The following MYO16 variants were observed in gnomAD, a reference collection of about 807,000 sequenced individuals.
The protein encoded by MYO16 is myosin XVI.
A neutral mutation model predicts 205.3 loss-of-function variants in MYO16; 94 were observed. The ratio of observed to expected loss-of-function variants is 0.46; its 90% CI spans 0.39 to 0.54. MYO16 has a LOEUF of 0.54. Ranked by LOEUF, MYO16 falls within the 20% of genes least tolerant of loss-of-function variation. The pLI is 0.00. For missense variants in MYO16, 2,315 were observed against 2,387.5 expected (o/e 0.97, Z 0.63); for synonymous variants, 988 against 954.0 (o/e 1.04, Z -0.66).
At chr13:108,811,292 C>A (rs1887283308) in intron 7 of MYO16, among the ~76,000 whole-genome samples, 2 of 152,024 alleles carry the variant, frequency 1.3e-5, no homozygotes, top group Admixed American at 1.3e-4. Flanking sequence ...TTTATTTCTT[C>A]TTTGCTTTGG....
chr13:108,769,989 T>G (rs1446753138), intron 4 of MYO16, among the ~76,000 whole-genome samples: 1 of 152,168 alleles, frequency 6.6e-6, no homozygotes, highest in African/African-American at 2.4e-5. Flanking sequence ...ATAGTAATGA[T>G]GTATAAAAAT....
At chr13:108,505,960 T>A in the MYO16 span, among the ~76,000 whole-genome samples, 5 of 152,148 alleles carry the variant, frequency 3.3e-5, no homozygotes, top group Middle Eastern at 3.2e-3. Context: ...TTGTTGAGGA[T>A]CATTTAACTT....
At chr13:109,158,442 T>A (rs1301704992) in intron 32 of MYO16, among the ~76,000 whole-genome samples, 1 of 152,202 alleles carries the variant, frequency 6.6e-6, no homozygotes, top group East Asian at 1.9e-4. Context: ...ACATCCCTGA[T>A]GTTAACTTAT....
At chr13:108,809,023 A>G (rs1473749061) in intron 7 of MYO16, among the ~76,000 whole-genome samples, 1 of 152,156 alleles carries the variant, frequency 6.6e-6, no homozygotes, top group Non-Finnish European at 1.5e-5. Context: ...AAACTTCCCA[A>G]ACTTTTTAAA....
chr13:109,173,954 G>GGT (rs1555338672), intron 33 of MYO16, among the ~76,000 whole-genome samples: 4 of 147,590 alleles, frequency 2.7e-5, no homozygotes, highest in Non-Finnish European at 4.5e-5. Context: ...TGATGGGGGG[G>GGT]GGTACTCTCT....
At chr13:109,088,537 ATAAT>A (rs1290534674) in intron 27 of MYO16, among the ~76,000 whole-genome samples, 3 of 151,994 alleles carry the variant, frequency 2.0e-5, no homozygotes, top group Non-Finnish European at 4.4e-5. Flanking sequence ...GAGCTGAAGC[ATAAT>A]TCAGCATTCT....
the MYO16 span, among the ~76,000 whole-genome samples, chr13:108,575,443 A>G: frequency 1.3e-5 from 2 of 151,838 alleles, no homozygotes; most frequent in Non-Finnish European, 2.9e-5. Context: ...CCTTTTTTGC[A>G]CTCTAGATGG....
chr13:108,754,332 C>CAGAGAATATCTAAGAGA (rs1465438709), intron 4 of MYO16, among the ~76,000 whole-genome samples: 1 of 152,130 alleles, frequency 6.6e-6, no homozygotes, highest in Non-Finnish European at 1.5e-5. Context: ...GCAGAACAAG[C>CAGAGAATATCTAAGAGA]AGAGAATATC....
At chr13:108,558,387 T>G in the MYO16 span, among the ~76,000 whole-genome samples, 1 of 152,222 alleles carries the variant, frequency 6.6e-6, no homozygotes. Context: ...TTTGCCATGC[T>G]TCCTTAGGTC....
chr13:109,141,108 C>T lies in MYO16; in HGVS notation c.4896C>T (p.Ser1632=). 8 of 1,541,582 alleles carry T rather than the reference C, an allele frequency of 5.2e-6. No homozygotes were observed. The highest frequency in any genetic ancestry group is 7.0e-6 in the Non-Finnish European group (8 of 1,147,520). The change falls in exon 32 of 35, where the codon AGC becomes AGT. Residue 1632 remains serine, a synonymous_variant. Coordinates refer to ENST00000457511, the MANE Select transcript of MYO16 (RefSeq NM_001198950.3). The surrounding 1 kb of genome is among the most constrained non-coding windows in gnomAD (Gnocchi z 4.1). Reference sequence around the variant, plus strand: ...TGAACGCGGGGAAAGCGGGGCCGAGCGCAGAGGCGCCCAAGGTTCACCCAA... The same window carrying T: ...TGAACGCGGGGAAAGCGGGGCCGAGTGCAGAGGCGCCCAAGGTTCACCCAA... ...APVNAGKAGP[S]AEAPKVHPKP...
intron 4 of MYO16, among the ~76,000 whole-genome samples, chr13:108,768,139 C>G (rs1303484756): frequency 6.6e-6 from 1 of 152,208 alleles, no homozygotes; most frequent in Non-Finnish European, 1.5e-5. Flanking sequence ...TTCCTTTTCA[C>G]TATGCCATGT....
intron 27 of MYO16, among the ~76,000 whole-genome samples, chr13:109,092,506 C>T (rs926766833): frequency 2.6e-5 from 4 of 152,112 alleles, no homozygotes; most frequent in African/African-American, 9.7e-5. Flanking sequence ...TGCGTGTTCT[C>T]ACTTATAAGT....
chr13:109,085,404 A>G (rs1888408013), intron 27 of MYO16, among the ~76,000 whole-genome samples: 1 of 152,170 alleles, frequency 6.6e-6, no homozygotes, highest in Non-Finnish European at 1.5e-5. Context: ...CAAGTTGATG[A>G]ACCAGTCTTG....
At chr13:108,663,360 A>G (rs1319811959) in intron 1 of MYO16, among the ~76,000 whole-genome samples, 1 of 151,848 alleles carries the variant, frequency 6.6e-6, no homozygotes, top group Non-Finnish European at 1.5e-5. Context: ...TTATCGATTC[A>G]TAGACATATA....
chr13:108,805,649 A>G lies in MYO16; in HGVS notation c.742-1030A>G, dbSNP rs540719469. Among the ~76,000 whole-genome samples the G allele has an allele frequency of 8.7e-4, 133 of 152,006 alleles. 2 individuals are homozygous for G. The highest frequency in any genetic ancestry group is 8.7e-4 in the Non-Finnish European group (59 of 68,014). ...TTAGTAATGTCATTTGAGTGTGATG[A>G]TAGTTTATATAGAAATACAGGCTGC... On this transcript the variant is annotated intron_variant, in intron 6 of 34. Transcript: ENST00000457511.
intron 9 of MYO16, among the ~76,000 whole-genome samples, chr13:108,834,645 C>T (rs1235365402): frequency 2.5e-5 from 2 of 81,612 alleles, no homozygotes; most frequent in Non-Finnish European, 6.0e-5. Context: ...TGTACTCTCT[C>T]TCTCTCTCTC....
intron 22 of MYO16, among the ~76,000 whole-genome samples, chr13:109,011,669 C>T (rs1052130722): frequency 5.9e-5 from 9 of 151,764 alleles, no homozygotes; most frequent in Non-Finnish European, 1.3e-4. Context: ...TGTGTGCCAC[C>T]ACACCTGGCT....
chr13:109,150,893 T>C (rs1877623106), intron 32 of MYO16, among the ~76,000 whole-genome samples: 1 of 152,238 alleles, frequency 6.6e-6, no homozygotes, highest in Non-Finnish European at 1.5e-5. Flanking sequence ...CAGCTCTCCT[T>C]AAGCAAGTTA....
intron 34 of MYO16, 29 bp from the exon 35 acceptor site, chr13:109,206,579 CT>C (rs776996469): frequency 4.6e-6 from 7 of 1,531,422 alleles, no homozygotes; most frequent in Non-Finnish European, 6.3e-6. Context: ...TTGGTGCTAC[CT>C]GTTTTTTCTG....
Sources: gnomAD v4.1 joint callset for allele counts (sites outside exome capture counted in the v4.1 genomes callset) on GRCh38, gnomAD v4.1.1 for gene constraint, Gnocchi (gnomAD v3.1) non-coding constraint, MANE v1.5 for transcripts, NCBI Gene and HGNC (gene_info 2026-07-23, HGNC 2026-07-21) for gene names.